The following TTC28 variants were observed in gnomAD, a reference collection of about 807,000 sequenced individuals.
TTC28 encodes the protein tetratricopeptide repeat protein 28.
TTC28 carries 61 observed loss-of-function variants against 198.0 expected under a neutral mutation model. The observed-to-expected ratio is 0.31, with a 90% CI of 0.25 to 0.38. TTC28 has a LOEUF of 0.38. TTC28 is among the 10% of genes least tolerant of loss of function. TTC28 has a pLI of 1.00. For missense variants in TTC28, 2,678 were observed against 3,164.0 expected (o/e 0.85, Z 3.69); for synonymous variants, 1,171 against 1,297.8 (o/e 0.90, Z 2.10).
intron 1 of TTC28, among the ~76,000 whole-genome samples, chr22:28,662,742 A>T (rs1210732017): frequency 6.6e-6 from 1 of 152,222 alleles, no homozygotes; most frequent in Non-Finnish European, 1.5e-5. Flanking sequence ...TTTCTTGAAC[A>T]ATTATTATTA....
chr22:28,434,585 A>G (rs1569322881), intron 2 of TTC28, among the ~76,000 whole-genome samples: 2 of 152,140 alleles, frequency 1.3e-5, no homozygotes, highest in Non-Finnish European at 2.9e-5. Flanking sequence ...TAAAGACTCA[A>G]CGCCTACCAA....
At chr22:28,250,050 A>G (rs913349454) in intron 5 of TTC28, among the ~76,000 whole-genome samples, 3 of 152,226 alleles carry the variant, frequency 2.0e-5, no homozygotes, top group Admixed American at 1.3e-4. Flanking sequence ...TGTCTAATGT[A>G]AGCAATTGGC....
chr22:28,246,675 T>C (rs980743894), intron 5 of TTC28, among the ~76,000 whole-genome samples: 4 of 152,224 alleles, frequency 2.6e-5, no homozygotes, highest in African/African-American at 7.2e-5. Context: ...AATGAGAAAA[T>C]TGAGGATCAA....
intron 5 of TTC28, among the ~76,000 whole-genome samples, chr22:28,175,969 A>ACACCAGTACAACTATTAT (rs1923128992): frequency 6.6e-6 from 1 of 152,244 alleles, no homozygotes; most frequent in African/African-American, 2.4e-5. Context: ...GTGGAATTGT[A>ACACCAGTACAACTATTAT]AACCAGTACA....
chr22:28,318,091 T>TA (rs202088518), intron 2 of TTC28, among the ~76,000 whole-genome samples: 2,609 of 147,976 alleles, frequency 0.018, 45 homozygotes, highest in Non-Finnish European at 0.025. Context: ...TTTTTTTTTT[T>TA]AGAGATGAGA....
intron 3 of TTC28, 129 bp downstream of exon 3, chr22:28,306,367 G>A (rs1402180415): frequency 6.4e-6 from 7 of 1,094,742 alleles, no homozygotes; most frequent in Non-Finnish European, 9.1e-6. Flanking sequence ...GATCTTCCTT[G>A]GTCTAAAATA....
At chr22:28,368,192 C>T (rs2046277883) in intron 2 of TTC28, among the ~76,000 whole-genome samples, 1 of 151,916 alleles carries the variant, frequency 6.6e-6, no homozygotes. Flanking sequence ...CAAGACATTA[C>T]ATATTGGATT....
At chr22:28,041,416 A>G (rs1939634545) in intron 12 of TTC28, among the ~76,000 whole-genome samples, 1 of 152,200 alleles carries the variant, frequency 6.6e-6, no homozygotes, top group Non-Finnish European at 1.5e-5. Context: ...CAGAAGCCTC[A>G]GAAATAACAC....
intron 2 of TTC28, among the ~76,000 whole-genome samples, chr22:28,440,905 C>G (rs1410015459): frequency 1.3e-5 from 2 of 152,186 alleles, no homozygotes; most frequent in Non-Finnish European, 2.9e-5. Flanking sequence ...GAATTGTTGT[C>G]AAGCTACCAC....
chr22:28,415,606 T>C (rs1044483849), intron 2 of TTC28, among the ~76,000 whole-genome samples: 1 of 152,228 alleles, frequency 6.6e-6, no homozygotes, highest in Non-Finnish European at 1.5e-5. Flanking sequence ...CCTTGAGATG[T>C]ACACAACAGT....
Position 27,982,278 on chromosome 22 carries a change from A to G in TTC28, c.7389T>C (p.Ser2463=). The G allele has an allele frequency of 3.4e-6, 5 of 1,478,152 alleles. No individual in the cohort carries two copies. The highest frequency in any genetic ancestry group is 1.4e-5 in the South Asian group (1 of 71,288). The allele number at this position is 1,478,152 out of a possible 1,614,324, so 91.6% of individuals were successfully genotyped here. A position where few individuals can be genotyped will look rare whatever the true frequency, so the allele number is the denominator to read the frequency against. ...GAGACAGGAACTTGTAGCCATTTCC[A>G]GAAGGAAGCCTCAAAGGGCGCGCGG... ...TAPARPLRLP[S]GNGYKFLSPG... The change falls in exon 23 of 23, where the codon TCT becomes TCC. Residue 2463 remains serine (S), a synonymous_variant. Coordinates refer to ENST00000397906, the MANE Select transcript of TTC28 (RefSeq NM_001145418.2). The surrounding 1 kb of genome is among the most constrained non-coding windows in gnomAD (Gnocchi z 5.2).
Position 28,615,996 on chromosome 22 carries a change from A to G in TTC28, c.381+13556T>C, listed in dbSNP as rs1601625911. Among the ~76,000 whole-genome samples, 3 of 152,190 alleles carry G rather than the reference A, an allele frequency of 2.0e-5. No individual in the cohort carries two copies. The East Asian group carries it at 5.8e-4, about 29-fold the overall frequency. On this transcript the variant is annotated intron_variant, in intron 2 of 22. Coordinates refer to ENST00000397906, the MANE Select transcript of TTC28 (RefSeq NM_001145418.2). ...AAAGCAGACTTGAATTAGAGAAAAA[A>G]ATCAGTAAATTGCAATCTCAGACTC...
intron 2 of TTC28, among the ~76,000 whole-genome samples, chr22:28,327,673 T>C (rs1322035102): frequency 6.6e-6 from 1 of 152,182 alleles, no homozygotes; most frequent in Non-Finnish European, 1.5e-5. Flanking sequence ...ATTGCATGTT[T>C]TGATTAGAGG....
intron 2 of TTC28, among the ~76,000 whole-genome samples, chr22:28,314,600 A>G (rs1469886318): frequency 2.0e-5 from 3 of 152,076 alleles, no homozygotes; most frequent in Non-Finnish European, 4.4e-5. Flanking sequence ...CCTGACACAC[A>G]CCAGCAATGG....
intron 6 of TTC28, among the ~76,000 whole-genome samples, chr22:28,110,518 C>T (rs187966070): frequency 2.0e-5 from 3 of 152,154 alleles, no homozygotes; most frequent in Admixed American, 6.5e-5. Flanking sequence ...TCTTAAGGTG[C>T]TGGAAATTAA....
chr22:28,306,322 T>C (rs1358629870), intron 3 of TTC28, among the ~76,000 whole-genome samples, 174 bp downstream of exon 3: 2 of 152,230 alleles, frequency 1.3e-5, no homozygotes, highest in African/African-American at 2.4e-5. Flanking sequence ...CATACTATTC[T>C]GCCTCATTAA....
intron 5 of TTC28, among the ~76,000 whole-genome samples, chr22:28,191,579 T>A (rs1426664230): frequency 2.0e-5 from 3 of 152,154 alleles, no homozygotes. Context: ...GAAAATCGGG[T>A]CTCTCCCACC....
At chr22:28,107,026 GA>G (rs1351112184) in intron 7 of TTC28, 35 bp downstream of exon 7, 1 of 1,504,448 alleles carries the variant, frequency 6.6e-7, no homozygotes, top group East Asian at 2.5e-5. Context: ...TCTTTTTGCA[GA>G]ACTATAAACC....
chr22:28,623,243 C>G (rs1421102898), intron 2 of TTC28, among the ~76,000 whole-genome samples: 2 of 152,152 alleles, frequency 1.3e-5, no homozygotes, highest in East Asian at 3.8e-4. Context: ...TGCACCACCA[C>G]ACCCAGGTCA....
Sources: gnomAD v4.1 joint callset for allele counts (sites outside exome capture counted in the v4.1 genomes callset) on GRCh38, gnomAD v4.1.1 for gene constraint, Gnocchi (gnomAD v3.1) non-coding constraint, MANE v1.5 for transcripts, NCBI Gene and HGNC (gene_info 2026-07-23, HGNC 2026-07-21) for gene names.